The following CCNB3 variants were observed in gnomAD, a reference collection of about 807,000 sequenced individuals.
The protein encoded by CCNB3 is G2/mitotic-specific cyclin-B3.
In CCNB3, 12 loss-of-function variants were observed where a neutral mutation model predicts 68.0. The ratio of observed to expected loss-of-function variants is 0.18; its 90% CI spans 0.11 to 0.29. The LOEUF is 0.29. CCNB3 is among the 10% of genes least tolerant of loss of function. The pLI is 1.00. For synonymous variants in CCNB3, 354 were observed against 388.9 expected, an observed-to-expected ratio of 0.91 and a Z score of 1.06; for missense variants, 904 against 993.1, an observed-to-expected ratio of 0.91 and a Z score of 1.21.
intron 1 of CCNB3, among the ~76,000 whole-genome samples, chrX:50,219,935 CTCT>C (rs1935641554): frequency 9.0e-6 from 1 of 111,479 alleles, no homozygotes; most frequent in African/African-American, 3.3e-5. Flanking sequence ...TTTGTGTCCT[CTCT>C]TTTTTCCTTA....
At chrX:50,279,750 A>T (rs1177282149) in intron 1 of CCNB3, among the ~76,000 whole-genome samples, 1 of 89,818 alleles carries the variant, frequency 1.1e-5, no homozygotes, top group Admixed American at 1.5e-4. Flanking sequence ...GTATATTCAT[A>T]TATGTAAATA....
intron 8 of CCNB3, among the ~76,000 whole-genome samples, chrX:50,321,878 C>A (rs1323757539): frequency 4.5e-5 from 5 of 110,749 alleles, no homozygotes; most frequent in African/African-American, 1.6e-4. Context: ...CTTACTAAGC[C>A]AGTTATGTTG....
At chrX:50,303,946 G>A (rs964784128) in intron 5 of CCNB3, among the ~76,000 whole-genome samples, 1 of 111,612 alleles carries the variant, frequency 9.0e-6, no homozygotes, top group Non-Finnish European at 1.9e-5. Context: ...TTTCTTCTAA[G>A]AATTTTAAAG....
chrX:50,313,773 T>C (rs924830278), intron 7 of CCNB3, 83 bp from the exon 8 acceptor site: 17 of 696,691 alleles, frequency 2.4e-5, no homozygotes, highest in Non-Finnish European at 1.6e-5. Context: ...GTTAGAACTA[T>C]GAGGGAGAAG....
At chrX:50,322,638 C>T (rs1922083730) in intron 8 of CCNB3, among the ~76,000 whole-genome samples, 1 of 111,659 alleles carries the variant, frequency 9.0e-6, no homozygotes, top group African/African-American at 3.3e-5. Context: ...AACAGGAAAC[C>T]TATAGAATGG....
intron 8 of CCNB3, among the ~76,000 whole-genome samples, chrX:50,317,255 T>G (rs1435551893): frequency 8.9e-6 from 1 of 112,357 alleles, no homozygotes; most frequent in Non-Finnish European, 1.9e-5. Flanking sequence ...TGCCCAGTTA[T>G]AAATAGGTAG....
intron 4 of CCNB3, among the ~76,000 whole-genome samples, chrX:50,294,368 C>T (rs1936406256): frequency 9.0e-6 from 1 of 111,473 alleles, no homozygotes; most frequent in Non-Finnish European, 1.9e-5. Flanking sequence ...CCCCAAAGCC[C>T]TGAGTTAAAT....
rs188863070 is a variant in CCNB3, at chrX:50,317,037, G to A, written c.3516+3089G>A. ...TTGCCACAGAGTGGCTGTACATCTT[G>A]CATTCTCACCTCCAATGCATGAGAG... On this transcript the variant is annotated intron_variant, in intron 8 of 12. Transcript: ENST00000376042. Among the ~76,000 whole-genome samples the A allele has an allele frequency of 3.9e-3, 439 of 112,591 alleles. 4 individuals are homozygous for A. Among genetic ancestry groups the A allele is most frequent in the African/African-American group, 0.013 (418 of 31,008 alleles).
chrX:50,226,656 T>G (rs1200302137), intron 1 of CCNB3, among the ~76,000 whole-genome samples: 2 of 62,523 alleles, frequency 3.2e-5, no homozygotes, highest in East Asian at 9.0e-4. Flanking sequence ...ATAGAATATA[T>G]CTATAAATAT....
chrX:50,309,930 T>C lies in CCNB3; in HGVS notation c.1761T>C (p.Ser587=), dbSNP rs782756082. Residue 587 remains serine, a synonymous_variant, in exon 6 of 13, where the codon TCT becomes TCC. Coordinates refer to ENST00000376042, the MANE Select transcript of CCNB3 (RefSeq NM_033031.3). Reference sequence around the variant, plus strand: ...CAGTACTTACCAAGACATCGTTGTCTTTACAGGAAAAGAAAATTACTCAGG... The same window carrying C: ...CAGTACTTACCAAGACATCGTTGTCCTTACAGGAAAAGAAAATTACTCAGG... The part of the protein sequence containing the change: ...EETVLTKTSL[S]LQEKKITQGK... 25 of 1,208,938 alleles carry C rather than the reference T, an allele frequency of 2.1e-5. No homozygotes were observed. In the South Asian group the frequency reaches 4.1e-4, roughly 20 times the overall value.
At chrX:50,317,470 C>T (rs782694629) in intron 8 of CCNB3, among the ~76,000 whole-genome samples, 1 of 111,449 alleles carries the variant, frequency 9.0e-6, no homozygotes, top group Non-Finnish European at 1.9e-5. Context: ...CTTCTAAGGA[C>T]TCTTTGCCTA....
At chrX:50,205,953 G>GA (rs1557205443) in intron 1 of CCNB3, among the ~76,000 whole-genome samples, 1 of 88,178 alleles carries the variant, frequency 1.1e-5, no homozygotes, top group Non-Finnish European at 2.2e-5. Flanking sequence ...TGTCTCAAAA[G>GA]AAAAAAAAAT....
Position 50,310,002 on chromosome X carries a change from T to C in CCNB3, c.1833T>C (p.Thr611=), listed in dbSNP as rs1557214408. The C allele has an allele frequency of 8.3e-7, 1 of 1,210,746 alleles. No homozygotes were observed. Among genetic ancestry groups the C allele is most frequent in the Admixed American group, 2.2e-5 (1 of 45,954 alleles). Residue 611 remains threonine, a synonymous_variant, in exon 6 of 13, where the codon ACT becomes ACC. Coordinates refer to ENST00000376042, the MANE Select transcript of CCNB3 (RefSeq NM_033031.3). The stretch of plus-strand genomic sequence containing the variant: ...AGCCACTGGTCTTGCAGAAGATCAC[T>C]TCTGAGGAGGAGTCATTCTATAAGA... ...LKKPLVLQKI[T]SEEESFYKKL... is the part of the protein sequence containing the mutation.
chrX:50,286,114 A>T (rs1352674789), intron 3 of CCNB3, among the ~76,000 whole-genome samples: 1 of 111,987 alleles, frequency 8.9e-6, no homozygotes, highest in East Asian at 2.8e-4. Flanking sequence ...TTTGGGGTCA[A>T]TTATTTCTAT....
At chrX:50,206,545 A>G (rs1385149474) in intron 1 of CCNB3, among the ~76,000 whole-genome samples, 10 of 108,803 alleles carry the variant, frequency 9.2e-5, no homozygotes, top group African/African-American at 3.0e-4. Flanking sequence ...AGATCATGCC[A>G]CTGCACTCCA....
At position 50,209,180 on chromosome X, in the gene CCNB3, T is replaced by C. The variant is rs1168970571; in HGVS notation, c.-113+4230T>C. On this transcript the variant is annotated intron_variant, in intron 1 of 12. Transcript: ENST00000376042. ...TAACGTGTACAGTTTGACAAGCTTC[T>C]TCATATGTAAACACCCATGATTCCA... Among the ~76,000 whole-genome samples, 6 of 111,917 alleles carry C rather than the reference T, an allele frequency of 5.4e-5. No homozygotes were observed. The South Asian group carries it at 1.1e-3, about 21-fold the overall frequency.
chrX:50,280,499 A>T (rs1179280851), intron 1 of CCNB3, among the ~76,000 whole-genome samples: 2 of 108,891 alleles, frequency 1.8e-5, no homozygotes, highest in Non-Finnish European at 3.8e-5. Flanking sequence ...ATTTAAAGCA[A>T]TAAAAAATTT....
intron 3 of CCNB3, 96 bp from the exon 4 acceptor site, chrX:50,288,684 G>A: frequency 3.8e-6 from 2 of 519,715 alleles, no homozygotes; most frequent in Non-Finnish European, 6.5e-6. Context: ...GTTACTCTGA[G>A]GTTCTGGAGT....
At position 50,295,005 on chromosome X, in the gene CCNB3, G is replaced by A. The variant is rs961314720; in HGVS notation, c.335+12G>A. The A allele has an allele frequency of 7.5e-6, 9 of 1,193,143 alleles. No homozygotes were observed. The highest frequency in any genetic ancestry group is 2.3e-4 in the Middle Eastern group (1 of 4,284). On this transcript the variant is annotated intron_variant, in intron 5 of 12. Coordinates refer to ENST00000376042, the MANE Select transcript of CCNB3 (RefSeq NM_033031.3). Reference sequence around the variant, plus strand: ...CGGAATCTAAAATGGTGAGTGAAAGGGGACTCAGATGGCATTATTTTAGAT... The same window carrying A: ...CGGAATCTAAAATGGTGAGTGAAAGAGGACTCAGATGGCATTATTTTAGAT...
Sources: allele counts gnomAD v4.1 joint callset (sites outside exome capture counted in the v4.1 genomes callset), GRCh38; gene constraint gnomAD v4.1.1; transcripts MANE v1.5; gene names NCBI Gene and HGNC (gene_info 2026-07-23, HGNC 2026-07-21).